The following ZNF407 variants were observed in gnomAD, a reference collection of about 807,000 sequenced individuals.
ZNF407 encodes zinc finger protein 407.
ZNF407 carries 17 observed loss-of-function variants against 131.2 expected under a neutral mutation model. The ratio of observed to expected loss-of-function variants is 0.13; its 90% CI spans 0.09 to 0.19. The LOEUF (loss-of-function observed/expected upper bound fraction) is 0.19, where lower values mean the gene tolerates loss of function less well. ZNF407 is among the 10% of genes least tolerant of loss of function. The pLI is 1.00. For missense variants in ZNF407, 2,681 were observed against 2,830.6 expected (o/e 0.95, Z 1.20); for synonymous variants, 1,156 against 1,062.0 (o/e 1.09, Z -1.72).
At chr18:74,910,695 C>T (rs959621873) in intron 7 of ZNF407, among the ~76,000 whole-genome samples, 3 of 152,124 alleles carry the variant, frequency 2.0e-5, no homozygotes, top group Non-Finnish European at 4.4e-5. Context: ...CTTAATACCA[C>T]CCTCAGTTTC....
intron 7 of ZNF407, among the ~76,000 whole-genome samples, chr18:74,919,703 G>T (rs989715706): frequency 6.6e-6 from 1 of 152,136 alleles, no homozygotes; most frequent in African/African-American, 2.4e-5. Context: ...AAACAGCTCC[G>T]CGTGTGTATT....
intron 3 of ZNF407, among the ~76,000 whole-genome samples, chr18:74,735,872 G>A (rs746119099): frequency 6.6e-6 from 1 of 152,176 alleles, no homozygotes; most frequent in Non-Finnish European, 1.5e-5. Flanking sequence ...TGTCAAGGGT[G>A]CTTCTCTCAA....
chr18:75,057,858 AC>A (rs1209546137), intron 8 of ZNF407, among the ~76,000 whole-genome samples: 1 of 152,166 alleles, frequency 6.6e-6, no homozygotes, highest in African/African-American at 2.4e-5. Flanking sequence ...GTCTGTAATG[AC>A]ATTTTTCATT....
Position 75,006,658 on chromosome 18 carries a change from T to C in ZNF407, c.5429-56492T>C, listed in dbSNP as rs117017211. Among the ~76,000 whole-genome samples the C allele has an allele frequency of 7.3e-3, 1,107 of 152,302 alleles. 31 individuals are homozygous for C. Among genetic ancestry groups the C allele is most frequent in the Admixed American group, 0.05 (767 of 15,288 alleles). On this transcript the variant is annotated intron_variant, in intron 8 of 8. Coordinates refer to ENST00000299687, the MANE Select transcript of ZNF407 (RefSeq NM_017757.3). ...CAGTTCTTTGAAATTTGTTGTAGCT[T>C]GCCTTTTGGTACAGCAGTGAGCCCT...
chr18:75,027,599 T>C (rs540867424), intron 8 of ZNF407, among the ~76,000 whole-genome samples: 1 of 152,276 alleles, frequency 6.6e-6, no homozygotes, highest in Non-Finnish European at 1.5e-5. Context: ...ACTACTAAGT[T>C]TCCATCTTGA....
chr18:74,789,588 G>A (rs982559938), intron 4 of ZNF407, among the ~76,000 whole-genome samples: 2 of 152,156 alleles, frequency 1.3e-5, no homozygotes, highest in East Asian at 1.9e-4. Context: ...GAAAGCCAGC[G>A]AAGTTGAGAA....
intron 3 of ZNF407, among the ~76,000 whole-genome samples, chr18:74,679,344 T>C (rs1475965317): frequency 6.6e-6 from 1 of 152,240 alleles, no homozygotes; most frequent in Non-Finnish European, 1.5e-5. Flanking sequence ...CATTTCAAAC[T>C]GGACTTGTCC....
chr18:74,840,009 C>A (rs1970610657), intron 4 of ZNF407, among the ~76,000 whole-genome samples: 1 of 152,120 alleles, frequency 6.6e-6, no homozygotes, highest in Admixed American at 6.5e-5. Flanking sequence ...TGAACATCAT[C>A]AGCCCTGGCA....
intron 8 of ZNF407, among the ~76,000 whole-genome samples, chr18:75,059,480 G>A (rs911760167): frequency 1.3e-5 from 2 of 151,902 alleles, no homozygotes; most frequent in Non-Finnish European, 2.9e-5. Flanking sequence ...CCTTATTTCC[G>A]TTTTTTTCAA....
chr18:74,668,729 C>A (rs934331150), intron 3 of ZNF407, among the ~76,000 whole-genome samples: 1 of 152,050 alleles, frequency 6.6e-6, no homozygotes, highest in Non-Finnish European at 1.5e-5. Flanking sequence ...GATCTTTATA[C>A]GTTGTTAATG....
At chr18:74,920,313 A>T (rs1478155992) in intron 7 of ZNF407, among the ~76,000 whole-genome samples, 1 of 152,192 alleles carries the variant, frequency 6.6e-6, no homozygotes, top group Non-Finnish European at 1.5e-5. Context: ...AAGCTAAAAG[A>T]CCAACTTAAA....
chr18:74,653,470 C>T lies in ZNF407; in HGVS notation c.4802+12348C>T, dbSNP rs1200380910. Among the ~76,000 whole-genome samples the T allele has an allele frequency of 3.3e-5, 5 of 151,610 alleles. No individual in the cohort carries two copies. In the East Asian group the frequency reaches 9.6e-4, roughly 29 times the overall value. ...TTATAAAATTATAATTTTGTAATCT[C>T]AGTATATTATTAATATATATTTGCA... is the stretch of plus-strand genomic sequence containing the variant. On this transcript the variant is annotated intron_variant, in intron 3 of 8. Coordinates refer to ENST00000299687, the MANE Select transcript of ZNF407 (RefSeq NM_017757.3).
At chr18:74,693,144 G>T (rs1021810663) in intron 3 of ZNF407, among the ~76,000 whole-genome samples, 7 of 152,120 alleles carry the variant, frequency 4.6e-5, no homozygotes, top group African/African-American at 1.4e-4. Context: ...ACTTTCCTCC[G>T]CCCAAGCTGA....
intron 8 of ZNF407, among the ~76,000 whole-genome samples, chr18:75,032,755 C>T (rs962186840): frequency 1.4e-5 from 2 of 139,022 alleles, no homozygotes; most frequent in Admixed American, 7.4e-5. Flanking sequence ...CATTAGATAA[C>T]TAAGAGTGCT....
chr18:74,610,061 A>T (rs551979827), intron 1 of ZNF407, among the ~76,000 whole-genome samples: 9 of 152,240 alleles, frequency 5.9e-5, no homozygotes, highest in African/African-American at 2.2e-4. Flanking sequence ...TATATCCTTC[A>T]CAGGCTTGTA....
At chr18:74,844,811 T>C (rs1333269045) in intron 4 of ZNF407, among the ~76,000 whole-genome samples, 4 of 152,100 alleles carry the variant, frequency 2.6e-5, no homozygotes, top group African/African-American at 7.2e-5. Context: ...AGTGCCATGA[T>C]AGGGTTTTGA....
At chr18:74,888,020 C>A (rs913186344) in intron 6 of ZNF407, among the ~76,000 whole-genome samples, 3 of 152,102 alleles carry the variant, frequency 2.0e-5, no homozygotes, top group African/African-American at 7.2e-5. Context: ...ATTTTCAGGA[C>A]AGATACGGTT....
At chr18:74,754,309 C>A (rs1387106030) in intron 3 of ZNF407, among the ~76,000 whole-genome samples, 1 of 152,112 alleles carries the variant, frequency 6.6e-6, no homozygotes, top group Non-Finnish European at 1.5e-5. Flanking sequence ...TTCCTGGATT[C>A]ATTGAATTTT....
At chr18:74,624,417 TC>T (rs1251917738) in intron 1 of ZNF407, among the ~76,000 whole-genome samples, 1 of 152,212 alleles carries the variant, frequency 6.6e-6, no homozygotes. Context: ...ACCTGCTGAA[TC>T]CCTTCTAGAT....
Sources: allele counts gnomAD v4.1 joint callset (sites outside exome capture counted in the v4.1 genomes callset), GRCh38; gene constraint gnomAD v4.1.1; transcripts MANE v1.5; gene names NCBI Gene and HGNC (gene_info 2026-07-23, HGNC 2026-07-21).